RUVBL1: variants seen among roughly 807,000 people sequenced by gnomAD.
RUVBL1 encodes the protein RuvB like AAA ATPase 1, also known as ruvB-like 1.
A neutral mutation model predicts 52.4 loss-of-function variants in RUVBL1; 4 were observed. The ratio of observed to expected loss-of-function variants is 0.08; its 90% CI spans 0.04 to 0.17. The LOEUF (loss-of-function observed/expected upper bound fraction) is 0.17, where lower values mean the gene tolerates loss of function less well. Ranked by LOEUF, RUVBL1 falls within the 10% of genes least tolerant of loss-of-function variation. The pLI is 1.00. For synonymous variants in RUVBL1, 217 were observed against 214.4 expected (o/e 1.01, Z -0.10); for missense variants, 298 against 572.8 (o/e 0.52, Z 4.90).
chr3:128,098,986 G>GTGAC (rs1297922761), intron 6 of RUVBL1, 41 bp from the exon 7 acceptor site: 1 of 1,553,168 alleles, frequency 6.4e-7, no homozygotes, highest in Non-Finnish European at 8.9e-7. Context: ...GCTTTCTAAG[G>GTGAC]TGACTACAGA....
At chr3:128,078,178 T>C (rs1055619380), downstream of RUVBL1, among the ~76,000 whole-genome samples, 4 of 152,222 alleles carry the variant, frequency 2.6e-5, no homozygotes, top group Admixed American at 6.5e-5. Flanking sequence ...AGAGGTCGAC[T>C]GGGAGTGCAA....
intron 1 of RUVBL1, among the ~76,000 whole-genome samples, chr3:128,149,562 T>C (rs1273850576): frequency 6.6e-6 from 1 of 152,230 alleles, no homozygotes; most frequent in Non-Finnish European, 1.5e-5. Flanking sequence ...ATTTTGCTAC[T>C]ACATACAATA....
Position 128,082,556 on chromosome 3 carries a change from G to C in RUVBL1, c.1138C>G (p.Gln380Glu), listed in dbSNP as rs778247100. ...EMKQIIKIRAQTEGINISEEA... is the reference protein window; with the variant it reads ...EMKQIIKIRAETEGINISEEA... ...TCACTGATGTTGATTCCTTCCGTCT[G>C]GGCACGGATTTTAATGATCTTTTAA... The change falls in exon 10 of 11, where the codon CAG (glutamine) becomes GAG (glutamate). Residue 380 changes from glutamine (Q) to glutamate (E), a missense_variant. Around this residue, in one of 5 missense-constraint regions of RUVBL1, gnomAD observed 161 missense variants for 298.3 expected, o/e 0.54. Transcript: ENST00000322623. This position sits in a 1 kb window ranked among gnomAD's most constrained non-coding sequence, Gnocchi z 4.7. 6.2e-7 allele frequency: 1 copy of C among 1,612,844 alleles called. No individual in the cohort carries two copies. Among genetic ancestry groups the C allele is most frequent in the South Asian group, 1.1e-5 (1 of 90,888 alleles).
chr3:128,153,742 C>T (rs1209891683), exon 1 of RUVBL1: 3 of 1,541,696 alleles, frequency 1.9e-6, no homozygotes, highest in Non-Finnish European at 2.6e-6. Context: ...CGAGGCCGAG[C>T]CCGAGCCCGG....
At chr3:128,152,264 A>C (rs560010772) in intron 1 of RUVBL1, among the ~76,000 whole-genome samples, 2 of 152,248 alleles carry the variant, frequency 1.3e-5, no homozygotes, top group Non-Finnish European at 2.9e-5. Context: ...TTGTGCGTTC[A>C]ATTTAGAGGT....
upstream of RUVBL1, among the ~76,000 whole-genome samples, chr3:128,124,499 A>T (rs942642325): frequency 6.6e-6 from 1 of 152,202 alleles, no homozygotes; most frequent in Non-Finnish European, 1.5e-5. Flanking sequence ...CCTATATAAT[A>T]ATGCTCATCA....
At chr3:128,089,997 T>C (rs896912280) in intron 8 of RUVBL1, among the ~76,000 whole-genome samples, 74 of 150,638 alleles carry the variant, frequency 4.9e-4, no homozygotes, top group Non-Finnish European at 8.1e-4. Context: ...TGGGACTTCA[T>C]GCTTAATGGT....
At position 128,069,748 on chromosome 3, in the gene RUVBL1, A is replaced by G. The variant is rs188029607; in HGVS notation, c.940-4528T>C. The G allele has an allele frequency of 1.1e-5, 12 of 1,068,524 alleles. No homozygotes were observed. In the East Asian group the frequency reaches 2.2e-4, roughly 19 times the overall value. 66.2% of individuals were successfully genotyped at this position (1,068,524 alleles called of 1,614,324 possible). A position where few individuals can be genotyped will look rare whatever the true frequency, so the allele number is the denominator to read the frequency against. ...ATCATGGCGCGTGCTGCTGCGGCATATGGACTTTTAATAATGTTTTTGAAT... is the reference window on the plus strand; with the variant it reads ...ATCATGGCGCGTGCTGCTGCGGCATGTGGACTTTTAATAATGTTTTTGAAT... On this transcript the variant is annotated intron_variant, in intron 9 of 9. Coordinates refer to the RUVBL1 transcript ENST00000464873.
chr3:128,072,957 A>G (rs12695506), intron 9 of RUVBL1, among the ~76,000 whole-genome samples: 35,109 of 152,032 alleles, frequency 0.23, 4,119 homozygotes, highest in South Asian at 0.27. Context: ...TGGGGCAGGC[A>G]CTGTCCCAGC....
At chr3:128,113,728 A>G (rs1250248559) in intron 2 of RUVBL1, among the ~76,000 whole-genome samples, 1 of 152,200 alleles carries the variant, frequency 6.6e-6, no homozygotes, top group Admixed American at 6.5e-5. Flanking sequence ...TGGAACCCAC[A>G]GATAGGAAGG....
chr3:128,091,971 C>T (rs1942853113), intron 8 of RUVBL1, among the ~76,000 whole-genome samples: 1 of 152,166 alleles, frequency 6.6e-6, no homozygotes, highest in Admixed American at 6.5e-5. Flanking sequence ...AGTAAAAACA[C>T]CTCTCTGGGT....
upstream of RUVBL1, among the ~76,000 whole-genome samples, chr3:128,127,586 T>C (rs1031140383): frequency 6.6e-6 from 1 of 152,190 alleles, no homozygotes; most frequent in Admixed American, 6.5e-5. Context: ...CTCTGCCTTC[T>C]TCACTGCCTC....
intron 9 of RUVBL1, chr3:128,069,932 A>G: frequency 8.3e-6 from 3 of 360,836 alleles, no homozygotes; most frequent in South Asian, 9.4e-5. Context: ...CCAAGTGTCC[A>G]TGTAACTTTT....
chr3:128,145,446 G>A (rs1944089578), intron 1 of RUVBL1, among the ~76,000 whole-genome samples: 1 of 152,212 alleles, frequency 6.6e-6, no homozygotes, highest in South Asian at 2.1e-4. Context: ...TCCTCAAAAA[G>A]CATGACTGTG....
chr3:128,153,219 G>A (rs1944281060), exon 1 of RUVBL1: 2 of 1,321,894 alleles, frequency 1.5e-6, no homozygotes, highest in Admixed American at 4.0e-5. Flanking sequence ...AGTCCAAATG[G>A]CTTCACTTCT....
At chr3:128,137,865 T>C (rs1277460263) in intron 1 of RUVBL1, among the ~76,000 whole-genome samples, 2 of 152,186 alleles carry the variant, frequency 1.3e-5, no homozygotes, top group African/African-American at 2.4e-5. Flanking sequence ...GGATTTACCA[T>C]AGGGATGCAA....
chr3:128,121,171 C>T (rs1943638247), intron 1 of RUVBL1, among the ~76,000 whole-genome samples: 1 of 151,862 alleles, frequency 6.6e-6, no homozygotes, highest in South Asian at 2.1e-4. Context: ...TCTCAGCTCA[C>T]TGCAACCTCC....
At position 128,093,323 on chromosome 3, in the gene RUVBL1, A is replaced by G. The variant is rs372930251; in HGVS notation, c.1016+3977T>C. The stretch of plus-strand genomic sequence containing the variant: ...AAAATTGATTAATGGTTGCCAGTGG[A>G]TGGGGGTAAGGGTGCAGAAGGGGAC... On this transcript the variant is annotated intron_variant, in intron 8 of 10. Coordinates refer to ENST00000322623, the MANE Select transcript of RUVBL1 (RefSeq NM_003707.3). Among the ~76,000 whole-genome samples, 4 of 152,164 alleles carry G rather than the reference A, an allele frequency of 2.6e-5. No individual in the cohort carries two copies. The South Asian group carries it at 8.3e-4, about 32-fold the overall frequency.
intron 1 of RUVBL1, among the ~76,000 whole-genome samples, chr3:128,150,174 T>C (rs1479925157): frequency 6.6e-6 from 1 of 152,150 alleles, no homozygotes; most frequent in Admixed American, 6.5e-5. Context: ...GCCTTATTTC[T>C]CCCAAAGCAC....
Sources: gnomAD v4.1 joint callset for allele counts (sites outside exome capture counted in the v4.1 genomes callset) on GRCh38, gnomAD v4.1.1 for gene constraint, gnomAD v4.1.1 regional missense constraint, Gnocchi (gnomAD v3.1) non-coding constraint, MANE v1.5 for transcripts, NCBI Gene and HGNC (gene_info 2026-07-23, HGNC 2026-07-21) for gene names.